DMXL1: variants seen among roughly 807,000 people sequenced by gnomAD.
DMXL1 encodes the protein dmX-like protein 1.
A neutral mutation model predicts 319.2 loss-of-function variants in DMXL1; 99 were observed. The observed-to-expected ratio is 0.31, with a 90% CI of 0.26 to 0.37. DMXL1 has a LOEUF of 0.37. Among genes scored for constraint, DMXL1 ranks in the 10% least tolerant of loss-of-function variants. The pLI is 1.00. For synonymous variants in DMXL1, 1,385 were observed against 1,235.2 expected (o/e 1.12, Z -2.54); for missense variants, 3,745 against 3,595.6 (o/e 1.04, Z -1.06).
intron 38 of DMXL1, among the ~76,000 whole-genome samples, chr5:119,232,228 C>T (rs1786882783): frequency 6.6e-6 from 1 of 152,154 alleles, no homozygotes; most frequent in Admixed American, 6.6e-5. Context: ...TCTGATTAAG[C>T]TATGCAAGCG....
chr5:119,148,589 T>TA, intron 17 of DMXL1, 150 bp from the exon 18 acceptor site: 3 of 693,356 alleles, frequency 4.3e-6, no homozygotes, highest in Non-Finnish European at 4.8e-6. Context: ...GGCTGTCTAT[T>TA]ATGCAGTTTA....
intron 15 of DMXL1, 112 bp from the exon 16 acceptor site, chr5:119,146,725 G>A (rs919145981): frequency 1.5e-5 from 16 of 1,050,536 alleles, no homozygotes; most frequent in South Asian, 7.7e-5. Context: ...GAAGCCTTAG[G>A]TAAAAGTTTT....
intron 29 of DMXL1, among the ~76,000 whole-genome samples, chr5:119,191,835 G>A (rs1175900339): frequency 6.6e-6 from 1 of 152,222 alleles, no homozygotes; most frequent in African/African-American, 2.4e-5. Flanking sequence ...ATTGGGGTGG[G>A]ATGGGAACAG....
intron 9 of DMXL1, among the ~76,000 whole-genome samples, chr5:119,123,177 CCTGCAATCG>C (rs1762605670): frequency 6.6e-6 from 1 of 151,998 alleles, no homozygotes; most frequent in African/African-American, 2.4e-5. Context: ...GCGGCGCGCG[CCTGCAATCG>C]CAGGCACTCG....
intron 1 of DMXL1, among the ~76,000 whole-genome samples, chr5:119,093,546 A>C (rs1424126491): frequency 2.0e-5 from 3 of 152,208 alleles, no homozygotes; most frequent in African/African-American, 7.2e-5. Context: ...TCACTGAGAC[A>C]CAATGATATA....
rs770686837 is a variant in DMXL1, at chr5:119,171,760, T to C, written c.6490-18T>C. 1 of 1,589,926 alleles carries C rather than the reference T, an allele frequency of 6.3e-7. No individual in the cohort carries two copies. The highest frequency in any genetic ancestry group is 8.6e-7 in the Non-Finnish European group (1 of 1,168,584). ...CTGTAAATAGTTGGTTAACCTTTTA[T>C]CCCTCTTTGTTTTTAAGGAAACATC... is the stretch of plus-strand genomic sequence containing the variant. On this transcript the variant is annotated intron_variant, in intron 24 of 43. Coordinates refer to ENST00000539542, the MANE Select transcript of DMXL1 (RefSeq NM_001290321.3).
At chr5:119,078,575 C>T (rs1751510139) in intron 1 of DMXL1, among the ~76,000 whole-genome samples, 2 of 152,198 alleles carry the variant, frequency 1.3e-5, no homozygotes, top group African/African-American at 4.8e-5. Flanking sequence ...TTCAGTCTCC[C>T]AAGTAGCTGG....
chr5:119,120,308 ATTCTG>A (rs1043665614), intron 8 of DMXL1, among the ~76,000 whole-genome samples: 8 of 152,254 alleles, frequency 5.3e-5, no homozygotes, highest in Non-Finnish European at 8.8e-5. Flanking sequence ...AATATAATAA[ATTCTG>A]TATTGATTCA....
At chr5:119,242,122 C>T (rs550246953) in intron 42 of DMXL1, among the ~76,000 whole-genome samples, 65 of 152,214 alleles carry the variant, frequency 4.3e-4, no homozygotes, top group Non-Finnish European at 8.2e-4. Context: ...ATGTTTTATG[C>T]ATTCATGGCA....
intron 19 of DMXL1, among the ~76,000 whole-genome samples, chr5:119,152,268 G>GT (rs534661702): frequency 5.6e-4 from 85 of 152,182 alleles, no homozygotes; most frequent in Middle Eastern, 3.4e-3. Context: ...GATGTTCTGT[G>GT]TTATGTTTTT....
intron 9 of DMXL1, among the ~76,000 whole-genome samples, chr5:119,124,761 T>C (rs186697554): frequency 6.6e-6 from 1 of 152,010 alleles, no homozygotes; most frequent in Non-Finnish European, 1.5e-5. Flanking sequence ...AGATGGTGTT[T>C]CACCATGTTG....
At chr5:119,087,929 G>C (rs1445376626) in intron 1 of DMXL1, among the ~76,000 whole-genome samples, 1 of 152,032 alleles carries the variant, frequency 6.6e-6, no homozygotes, top group Non-Finnish European at 1.5e-5. Flanking sequence ...AGCCTCCCAA[G>C]TAGCTGGGAT....
chr5:119,135,985 CAGA>C (rs1417629798), intron 13 of DMXL1, among the ~76,000 whole-genome samples: 1 of 152,128 alleles, frequency 6.6e-6, no homozygotes, highest in Admixed American at 6.6e-5. Flanking sequence ...TTGGAGGGCT[CAGA>C]AGAAGACAGG....
chr5:119,144,775 C>T (rs928020619), intron 15 of DMXL1, 137 bp downstream of exon 15: 2 of 506,646 alleles, frequency 3.9e-6, no homozygotes, highest in Non-Finnish European at 6.9e-6. Flanking sequence ...AAATATTTAT[C>T]ATAAATATGA....
intron 13 of DMXL1, among the ~76,000 whole-genome samples, chr5:119,136,871 T>G (rs1257342289): frequency 1.3e-5 from 2 of 152,218 alleles, no homozygotes; most frequent in African/African-American, 4.8e-5. Flanking sequence ...GGCGAAGCCC[T>G]CATGGAAAAC....
chr5:119,146,378 A>C (rs542713112), intron 15 of DMXL1, among the ~76,000 whole-genome samples: 1 of 151,892 alleles, frequency 6.6e-6, no homozygotes, highest in African/African-American at 2.4e-5. Context: ...GGAGAAGACA[A>C]ATTTTCTTGA....
At chr5:119,168,940 C>CA in intron 23 of DMXL1, among the ~76,000 whole-genome samples, 1 of 152,110 alleles carries the variant, frequency 6.6e-6, no homozygotes, top group East Asian at 1.9e-4. Context: ...GTCTCACTCT[C>CA]ACCCAGGCTG....
Position 119,171,970 on chromosome 5 carries a change from G to A in DMXL1, c.6681+1G>A. On this transcript the variant is annotated splice_donor_variant, in intron 25 of 43. Coordinates refer to ENST00000539542, the MANE Select transcript of DMXL1 (RefSeq NM_001290321.3). LOFTEE classifies it high-confidence loss of function. ...CCACCCTGATATCCAAAGCAATAAA[G>A]TAAGTATGCTTGGTTTCAAGCTTTT... 6.2e-7 allele frequency: 1 copy of A among 1,606,060 alleles called. No individual in the cohort carries two copies. The highest frequency in any genetic ancestry group is 8.5e-7 in the Non-Finnish European group (1 of 1,176,048).
chr5:119,181,768 C>T (rs1776815087), intron 28 of DMXL1, among the ~76,000 whole-genome samples: 1 of 151,898 alleles, frequency 6.6e-6, no homozygotes, highest in African/African-American at 2.4e-5. Context: ...GCTGAGATTG[C>T]GCCACTGCAC....
Sources: allele counts gnomAD v4.1 joint callset (sites outside exome capture counted in the v4.1 genomes callset), GRCh38; gene constraint gnomAD v4.1.1; transcripts MANE v1.5; gene names NCBI Gene and HGNC (gene_info 2026-07-23, HGNC 2026-07-21).